Variants in LUZP2 observed in about 807,000 individuals in gnomAD.
LUZP2 encodes leucine zipper protein 2.
In LUZP2, 52 loss-of-function variants were observed where a neutral mutation model predicts 51.6. The observed-to-expected ratio is 1.01, with a 90% CI of 0.81 to 1.27. The LOEUF (loss-of-function observed/expected upper bound fraction) is 1.27, where lower values mean the gene tolerates loss of function less well. LUZP2 is among the 50% of genes most tolerant of loss of function. LUZP2 has a pLI of 0.00. For missense variants in LUZP2, 436 were observed against 395.4 expected, an observed-to-expected ratio of 1.10 and a Z score of -0.87; for synonymous variants, 154 against 137.3, an observed-to-expected ratio of 1.12 and a Z score of -0.85.
intron 5 of LUZP2, among the ~76,000 whole-genome samples, chr11:24,865,706 TTG>T (rs1211329472): frequency 9.4e-6 from 1 of 106,074 alleles, no homozygotes; most frequent in East Asian, 3.4e-4. Flanking sequence ...TGTTATATGT[TTG>T]TGTATATATA....
intron 5 of LUZP2, among the ~76,000 whole-genome samples, chr11:24,857,685 A>G (rs1453026095): frequency 7.5e-6 from 1 of 132,748 alleles, no homozygotes; most frequent in Non-Finnish European, 1.6e-5. Context: ...GTTATTTACC[A>G]TCTTGATCTG....
intron 5 of LUZP2, among the ~76,000 whole-genome samples, chr11:24,837,435 C>T (rs183260649): frequency 6.6e-5 from 10 of 151,536 alleles, no homozygotes; most frequent in East Asian, 5.8e-4. Context: ...CAGAATGCTG[C>T]GATCTTTAAC....
chr11:24,659,121 CAT>C (rs1225145708), intron 1 of LUZP2, among the ~76,000 whole-genome samples: 3 of 152,130 alleles, frequency 2.0e-5, no homozygotes, highest in Non-Finnish European at 4.4e-5. Flanking sequence ...CACATGCAAA[CAT>C]ATGTTTATTG....
intron 5 of LUZP2, among the ~76,000 whole-genome samples, chr11:24,860,190 A>C (rs1265666038): frequency 6.6e-6 from 1 of 152,126 alleles, no homozygotes; most frequent in African/African-American, 2.4e-5. Flanking sequence ...CTGTGGTCAG[A>C]GTGCTCATCA....
chr11:25,000,326 A>G (rs1448975596), intron 9 of LUZP2, among the ~76,000 whole-genome samples: 1 of 152,128 alleles, frequency 6.6e-6, no homozygotes, highest in Non-Finnish European at 1.5e-5. Flanking sequence ...GCTGTTGGGA[A>G]TTTGGCTGAT....
At chr11:24,678,033 T>G (rs554224647) in intron 1 of LUZP2, among the ~76,000 whole-genome samples, 51 of 107,380 alleles carry the variant, frequency 4.7e-4, no homozygotes, top group African/African-American at 1.8e-3. Context: ...CGAGACTCCG[T>G]CAAAAAAAAG....
chr11:24,638,424 A>C (rs919861586), intron 1 of LUZP2, among the ~76,000 whole-genome samples: 2 of 151,724 alleles, frequency 1.3e-5, no homozygotes, highest in African/African-American at 4.9e-5. Context: ...ACAAAAATCC[A>C]AATTCTAGGA....
chr11:24,910,019 G>C (rs775664111), intron 6 of LUZP2, among the ~76,000 whole-genome samples: 5 of 152,178 alleles, frequency 3.3e-5, no homozygotes, highest in Non-Finnish European at 2.9e-5. Context: ...CCAGGCTGAG[G>C]TGGTCTCAGA....
At chr11:25,037,858 T>A (rs11028373) in intron 9 of LUZP2, among the ~76,000 whole-genome samples, 11,793 of 151,862 alleles carry the variant, frequency 0.078, 1,484 homozygotes, top group African/African-American at 0.26. Flanking sequence ...CCTCTGTAGG[T>A]TCCCTGCCCC....
At chr11:24,931,056 C>T (rs1189135548) in intron 7 of LUZP2, among the ~76,000 whole-genome samples, 14 of 151,596 alleles carry the variant, frequency 9.2e-5, no homozygotes. Context: ...ACTAAAACTA[C>T]AAAAATTGGC....
At chr11:24,700,210 A>G (rs931480425) in intron 1 of LUZP2, among the ~76,000 whole-genome samples, 1 of 151,894 alleles carries the variant, frequency 6.6e-6, no homozygotes, top group Non-Finnish European at 1.5e-5. Flanking sequence ...TACAGGCACA[A>G]ACCACCATTC....
intron 9 of LUZP2, among the ~76,000 whole-genome samples, chr11:25,025,037 C>A (rs1296590663): frequency 1.3e-5 from 2 of 151,972 alleles, no homozygotes; most frequent in African/African-American, 2.4e-5. Flanking sequence ...GAAAAACAAG[C>A]AATGGGGAAA....
chr11:24,792,972 C>T (rs1163273470), intron 5 of LUZP2, among the ~76,000 whole-genome samples: 1 of 152,162 alleles, frequency 6.6e-6, no homozygotes, highest in African/African-American at 2.4e-5. Context: ...TCCTGGAAGG[C>T]TGATTTATTT....
chr11:24,949,868 A>G (rs768018539), intron 7 of LUZP2, among the ~76,000 whole-genome samples: 1 of 151,658 alleles, frequency 6.6e-6, no homozygotes, highest in Non-Finnish European at 1.5e-5. Context: ...TCTCTGACAA[A>G]GGAGAAATCA....
intron 9 of LUZP2, among the ~76,000 whole-genome samples, chr11:25,033,470 G>C (rs1857759251): frequency 6.6e-6 from 1 of 152,130 alleles, no homozygotes; most frequent in Non-Finnish European, 1.5e-5. Flanking sequence ...GTGTACGTTT[G>C]TTACATGGGA....
intron 7 of LUZP2, among the ~76,000 whole-genome samples, chr11:24,958,121 A>G (rs1187702599): frequency 2.0e-5 from 3 of 152,292 alleles, no homozygotes; most frequent in Non-Finnish European, 4.4e-5. Flanking sequence ...CATGGTGTAT[A>G]TGTGCCACAT....
chr11:24,825,165 A>T (rs1358514214), intron 5 of LUZP2, among the ~76,000 whole-genome samples: 2 of 152,150 alleles, frequency 1.3e-5, no homozygotes, highest in South Asian at 2.1e-4. Flanking sequence ...AATCTATTTA[A>T]TTCTAATGTA....
intron 5 of LUZP2, among the ~76,000 whole-genome samples, chr11:24,773,635 A>G (rs1187155355): frequency 2.0e-5 from 3 of 152,172 alleles, no homozygotes; most frequent in African/African-American, 7.2e-5. Flanking sequence ...AGGTGTGTGA[A>G]TTATTCATGG....
chr11:24,610,212 G>T (rs1480754698), intron 1 of LUZP2, among the ~76,000 whole-genome samples: 1 of 152,216 alleles, frequency 6.6e-6, no homozygotes, highest in Non-Finnish European at 1.5e-5. Context: ...TAAATGAATA[G>T]AGACACAAAT....
Sources: allele counts gnomAD v4.1 joint callset (sites outside exome capture counted in the v4.1 genomes callset), GRCh38; gene constraint gnomAD v4.1.1; transcripts MANE v1.5; gene names NCBI Gene and HGNC (gene_info 2026-07-23, HGNC 2026-07-21).